The following ADSS1 variants were observed in gnomAD, a reference collection of about 807,000 sequenced individuals.
The protein encoded by ADSS1 is adenylosuccinate synthase 1, also known as adenylosuccinate synthetase isozyme 1.
In ADSS1, 57 loss-of-function variants were observed where a neutral mutation model predicts 59.1. The observed-to-expected ratio is 0.97, with a 90% CI of 0.78 to 1.20. The LOEUF is 1.20. ADSS1 is among the 50% of genes most tolerant of loss of function. The pLI is 0.00. For missense variants in ADSS1, 603 were observed against 610.3 expected (o/e 0.99, Z 0.13); for synonymous variants, 247 against 249.4 (o/e 0.99, Z 0.09).
chr14:104,739,120 G>A (rs1399178062), intron 3 of ADSS1, among the ~76,000 whole-genome samples: 1 of 152,134 alleles, frequency 6.6e-6, no homozygotes, highest in African/African-American at 2.4e-5. Flanking sequence ...GCGGCGGGGT[G>A]GAGTGAGGGT....
In ADSS1 at chr14:104,741,987, C is replaced by A. The variant is rs940009758; in HGVS notation, c.933C>A (p.Pro311=). 1.2e-6 allele frequency: 2 copies of A among 1,613,044 alleles called. No homozygotes were observed. Among genetic ancestry groups the A allele is most frequent in the Non-Finnish European group, 1.7e-6 (2 of 1,179,928 alleles). ...YTTRVGIGAF[P]TEQINEIGGL... ...CACGTGTGGGCATCGGGGCCTTCCC[C>A]ACCGAGCAGATCAACGTGAGTCCCC... The change falls in exon 9 of 13, where the codon CCC becomes CCA. Residue 311 remains proline, a synonymous_variant. Coordinates refer to ENST00000330877, the MANE Select transcript of ADSS1 (RefSeq NM_152328.5).
intron 1 of ADSS1, among the ~76,000 whole-genome samples, chr14:104,732,243 G>A (rs1890958525): frequency 1.3e-5 from 2 of 152,208 alleles, no homozygotes; most frequent in Non-Finnish European, 1.5e-5. Context: ...GACGGTACCA[G>A]TTTTCCTTTG....
intron 2 of ADSS1, among the ~76,000 whole-genome samples, chr14:104,735,914 T>C (rs1047342231): frequency 6.6e-6 from 1 of 152,146 alleles, no homozygotes; most frequent in Non-Finnish European, 1.5e-5. Flanking sequence ...TCTTGTACTT[T>C]CCCTTCCAGC....
intron 4 of ADSS1, 186 bp downstream of exon 4, chr14:104,739,564 A>G: frequency 3.3e-6 from 3 of 896,980 alleles, no homozygotes; most frequent in Non-Finnish European, 5.1e-6. Flanking sequence ...AGGGGTCACT[A>G]GCCCATTTGC....
intron 2 of ADSS1, chr14:104,737,383 A>G (rs1891173437): frequency 6.6e-6 from 1 of 152,076 alleles, no homozygotes; most frequent in Non-Finnish European, 1.5e-5. Context: ...CATGCATTTA[A>G]CTTTCCTCTA....
Position 104,740,726 on chromosome 14 carries a change from A to G in ADSS1, c.584+18A>G. On this transcript the variant is annotated intron_variant, in intron 6 of 12. Transcript: ENST00000330877. This position sits in a 1 kb window ranked among gnomAD's most constrained non-coding sequence, Gnocchi z 4.8. ...TCCTCCAGGTACCTGAGCCGTCTGC[A>G]GTCCCCGGGGAGGATGGGGAGAAGT... 1 of 1,613,650 alleles carries G rather than the reference A, an allele frequency of 6.2e-7. No homozygotes were observed.
In ADSS1 at chr14:104,735,054, A is replaced by G. The variant is rs1258841427; in HGVS notation, c.227A>G (p.Asp76Gly). The change falls in exon 2 of 13, where the codon GAT (aspartate) becomes GGT (glycine). Residue 76 changes from aspartate (D) to glycine (G), a missense_variant. Transcript: ENST00000330877. Reference sequence around the variant, plus strand: ...AACGCCGGCCACACGGTGGTGGTGGATGGGAAAGAGTACGACTTCCACCTG... The same window carrying G: ...AACGCCGGCCACACGGTGGTGGTGGGTGGGAAAGAGTACGACTTCCACCTG... ...GNNAGHTVVV[D>G]GKEYDFHLLP... 1 of 1,613,596 alleles carries G rather than the reference A, an allele frequency of 6.2e-7. No homozygotes were observed. The highest frequency in any genetic ancestry group is 2.2e-5 in the East Asian group (1 of 44,866).
chr14:104,733,700 G>A (rs1202497084), intron 1 of ADSS1, among the ~76,000 whole-genome samples: 1 of 152,214 alleles, frequency 6.6e-6, no homozygotes, highest in East Asian at 1.9e-4. Context: ...CTGCCGGGAG[G>A]TGAGGCAGGA....
chr14:104,736,324 G>C (rs1480608695), intron 2 of ADSS1, among the ~76,000 whole-genome samples: 1 of 152,228 alleles, frequency 6.6e-6, no homozygotes, highest in East Asian at 1.9e-4. Flanking sequence ...TTGTGCTGCA[G>C]GAAGCCCTTC....
chr14:104,744,873 T>C lies in ADSS1; in HGVS notation c.1135T>C (p.Tyr379His), dbSNP rs1190540440. The stretch of plus-strand genomic sequence containing the variant: ...GGGTGAGGTTAAAGTCGGTGTCTCA[T>C]ACAAGCTGAACGGGAAAAGGATTCC... ...VLGEVKVGVS[Y>H]KLNGKRIPYF... The change falls in exon 11 of 13, where the codon TAC becomes CAC. Residue 379 changes from tyrosine to histidine, a missense_variant. Transcript: ENST00000330877. The C allele has an allele frequency of 6.2e-7, 1 of 1,614,148 alleles. No individual in the cohort carries two copies.
intron 2 of ADSS1, 144 bp downstream of exon 2, chr14:104,735,266 C>T: frequency 1.4e-6 from 1 of 733,328 alleles, no homozygotes; most frequent in African/African-American, 1.8e-5. Flanking sequence ...ACCTGCCCCA[C>T]CAGGCACTGG....
intron 12 of ADSS1, 53 bp downstream of exon 12, chr14:104,746,438 G>T: frequency 6.4e-7 from 1 of 1,573,256 alleles, no homozygotes; most frequent in Non-Finnish European, 8.7e-7. Context: ...TGCCCCAAGG[G>T]GCCCACATCC....
chr14:104,728,475 G>A (rs1437606596), intron 1 of ADSS1, among the ~76,000 whole-genome samples: 1 of 152,174 alleles, frequency 6.6e-6, no homozygotes, highest in Non-Finnish European at 1.5e-5. Flanking sequence ...AAGGGGCAGA[G>A]AACAATTCCT....
chr14:104,727,523 C>T (rs955399162), intron 1 of ADSS1, among the ~76,000 whole-genome samples: 12 of 152,124 alleles, frequency 7.9e-5, no homozygotes, highest in African/African-American at 2.9e-4. Context: ...CACATCACAT[C>T]GTCTGCCTGT....
chr14:104,739,304 C>T lies in ADSS1; in HGVS notation c.359-24C>T, dbSNP rs368932756. 49 of 1,602,824 alleles carry T rather than the reference C, an allele frequency of 3.1e-5. No homozygotes were observed. The African/African-American group carries it at 5.3e-4, about 17-fold the overall frequency. On this transcript the variant is annotated intron_variant, in intron 3 of 12. Transcript: ENST00000330877. ...TGCAGCGCACCTGTGAACACTGACC[C>T]ACCTGTGTGCCGTGTCCCCGCAGGC...
chr14:104,745,171 CT>C, intron 11 of ADSS1: 1 of 420,336 alleles, frequency 2.4e-6, no homozygotes. Flanking sequence ...GGACAGACTA[CT>C]CGCCTGGGAC....
In ADSS1 at chr14:104,735,188, C is replaced by G. The variant is rs563386751; in HGVS notation, c.295+66C>G. On this transcript the variant is annotated intron_variant, in intron 2 of 12. Transcript: ENST00000330877. ...GGTGTCAGCCAGCCCAGGAGCCCCACGCATGGGGGCACGGGGCACCAGAGC... is the reference window on the plus strand; with the variant it reads ...GGTGTCAGCCAGCCCAGGAGCCCCAGGCATGGGGGCACGGGGCACCAGAGC... The G allele has an allele frequency of 1.8e-5, 25 of 1,415,162 alleles. No individual in the cohort carries two copies. The East Asian group carries it at 2.0e-4, about 11-fold the overall frequency. 87.7% of individuals were successfully genotyped at this position (1,415,162 alleles called of 1,614,324 possible).
In ADSS1 at chr14:104,742,079, G is replaced by A. The variant is rs1891387118; in HGVS notation, c.948+77G>A. The stretch of plus-strand genomic sequence containing the variant: ...GGGTGCCGGGGGTGGGGTGAGCAGT[G>A]CCAGGGTGGAGGCTCTGCGGACCTT... On this transcript the variant is annotated intron_variant, in intron 9 of 12. Transcript: ENST00000330877. 18 of 1,565,784 alleles carry A rather than the reference G, an allele frequency of 1.1e-5. 1 individual carries two copies. The South Asian group carries it at 1.9e-4, about 16-fold the overall frequency.
chr14:104,744,495 C>T, intron 10 of ADSS1: 1 of 274,744 alleles, frequency 3.6e-6, no homozygotes, highest in Non-Finnish European at 6.9e-6. Flanking sequence ...AACTGTCCCA[C>T]CTCTGATCTT....
Sources: allele counts gnomAD v4.1 joint callset (sites outside exome capture counted in the v4.1 genomes callset), GRCh38; gene constraint gnomAD v4.1.1; non-coding constraint Gnocchi (gnomAD v3.1); transcripts MANE v1.5; gene names NCBI Gene and HGNC (gene_info 2026-07-23, HGNC 2026-07-21).